Variants in SIM2 observed in about 807,000 individuals in gnomAD.
The protein encoded by SIM2 is single-minded homolog 2.
In SIM2, 28 loss-of-function variants were observed where a neutral mutation model predicts 64.8. That is an observed-to-expected ratio of 0.43 (90% confidence interval 0.32 to 0.59). SIM2 has a LOEUF of 0.59. SIM2 is among the 20% of genes least tolerant of loss of function. The probability of loss-of-function intolerance (pLI) is 0.07; values close to 1 mark genes in which losing one functional copy is unlikely to be tolerated. For synonymous variants in SIM2, 408 were observed against 391.1 expected, an observed-to-expected ratio of 1.04 and a Z score of -0.51; for missense variants, 847 against 871.4, an observed-to-expected ratio of 0.97 and a Z score of 0.35.
intron 1 of SIM2, among the ~76,000 whole-genome samples, chr21:36,706,795 G>C (rs923564277): frequency 2.0e-4 from 31 of 152,336 alleles, no homozygotes; most frequent in African/African-American, 7.2e-4. Flanking sequence ...ACCTCCACCA[G>C]GTGGGAAAGG....
chr21:36,717,716 A>G (rs1191773754), intron 3 of SIM2, among the ~76,000 whole-genome samples: 4 of 152,026 alleles, frequency 2.6e-5, no homozygotes, highest in Non-Finnish European at 4.4e-5. Flanking sequence ...CAAAGTGTCA[A>G]TATATATTTT....
intron 7 of SIM2, among the ~76,000 whole-genome samples, chr21:36,739,997 A>AAGAAAGAG (rs1491026332): frequency 2.9e-4 from 39 of 135,940 alleles, no homozygotes; most frequent in Middle Eastern, 7.5e-3. Flanking sequence ...GAAGAGAAGA[A>AAGAAAGAG]AGAAAGAAAG....
chr21:36,744,348 AAGGG>A lies in SIM2; in HGVS notation c.1168-366_1168-363del, dbSNP rs576336874. On this transcript the variant is annotated intron_variant, in intron 9 of 10. Transcript: ENST00000290399. ...AAAAAAGAAAGAAGGAAAAGAAAGG[AAGGG>A]AGGGAGGGAGGGAAGGAAAGACGGA... Among the ~76,000 whole-genome samples the A allele has an allele frequency of 2.1e-3, 294 of 142,312 alleles. 2 individuals are homozygous for A. Among genetic ancestry groups the A allele is most frequent in the African/African-American group, 7.0e-3 (276 of 39,600 alleles). The allele number at this position is 142,312 out of a possible 152,430, so 93.4% of individuals were successfully genotyped here. A position where few individuals can be genotyped will look rare whatever the true frequency, so the allele number is the denominator to read the frequency against.
intron 6 of SIM2, among the ~76,000 whole-genome samples, chr21:36,730,822 G>A (rs762383415): frequency 2.6e-5 from 4 of 152,106 alleles, no homozygotes; most frequent in African/African-American, 7.2e-5. Flanking sequence ...TCTCTTAGCC[G>A]GTGGTTTCAG....
intron 10 of SIM2, chr21:36,746,262 C>T (rs1043187793): frequency 5.9e-6 from 1 of 169,766 alleles, no homozygotes; most frequent in African/African-American, 2.4e-5. Flanking sequence ...TTGCAGTGAG[C>T]TAAGATCACA....
intron 3 of SIM2, 111 bp downstream of exon 3, chr21:36,712,733 TA>T: frequency 1.4e-6 from 1 of 705,570 alleles, no homozygotes; most frequent in Non-Finnish European, 2.4e-6. Context: ...TGCTTTTGTG[TA>T]AGAACATAAC....
In SIM2 at chr21:36,747,667, C is replaced by G; in HGVS notation, c.1579C>G (p.Pro527Ala). The change falls in exon 11 of 11, where the codon CCC becomes GCC. Residue 527 changes from proline to alanine, a missense_variant and splice_region_variant. This residue lies in a region of SIM2 where 447 missense variants were observed against 414.6 expected (regional missense o/e 1.08). Transcript: ENST00000290399. This position sits in a 1 kb window ranked among gnomAD's most constrained non-coding sequence, Gnocchi z 4.5. ...RHSLVPSYEA[P>A]AAAVRRFGED... ...TAACGTGTCGCCTGTCCCCGCAGCGCCCGCCGCCGCCGTGCGCAGGTTCGG... is the reference window on the plus strand; with the variant it reads ...TAACGTGTCGCCTGTCCCCGCAGCGGCCGCCGCCGCCGTGCGCAGGTTCGG... The G allele has an allele frequency of 8.0e-7, 1 of 1,254,820 alleles. No homozygotes were observed. The highest frequency in any genetic ancestry group is 1.0e-6 in the Non-Finnish European group (1 of 1,000,294). The allele number at this position is 1,254,820 out of a possible 1,614,324, so 77.7% of individuals were successfully genotyped here. A position where few individuals can be genotyped will look rare whatever the true frequency, so the allele number is the denominator to read the frequency against.
At chr21:36,701,520 G>T (rs1410005023) in intron 1 of SIM2, 1 of 152,254 alleles carries the variant, frequency 6.6e-6, no homozygotes, top group African/African-American at 2.4e-5. Context: ...GGCTGGAAGC[G>T]GACCCTAGGC....
Position 36,699,986 on chromosome 21 carries a change from C to T in SIM2, c.175+65C>T, listed in dbSNP as rs979731192. On this transcript the variant is annotated intron_variant, in intron 1 of 10. Coordinates refer to ENST00000290399, the MANE Select transcript of SIM2 (RefSeq NM_005069.6). The surrounding 1 kb of genome is among the most constrained non-coding windows in gnomAD (Gnocchi z 5.6). ...CGGCGGCCCCGGCCCAGGCGGGAAG[C>T]GCAAGCCAGCCCGCCCAGAGGGGTT... The T allele has an allele frequency of 1.3e-6, 2 of 1,486,056 alleles. No individual in the cohort carries two copies. Among genetic ancestry groups the T allele is most frequent in the Non-Finnish European group, 1.8e-6 (2 of 1,112,972 alleles). The allele number at this position is 1,486,056 out of a possible 1,614,324, so 92.1% of individuals were successfully genotyped here. A position where few individuals can be genotyped will look rare whatever the true frequency, so the allele number is the denominator to read the frequency against.
rs1165523870 is a variant in SIM2 at position 36,749,568 on chromosome 21, G to A, written c.*1476G>A. Reference sequence around the variant, plus strand: ...CACAATTTGCAAATTTAGGACCGTGGGTCATGCAGCGAAGGGGCTGGATGG... The same window carrying A: ...CACAATTTGCAAATTTAGGACCGTGAGTCATGCAGCGAAGGGGCTGGATGG... On this transcript the variant is annotated 3_prime_UTR_variant, in exon 11 of 11. Coordinates refer to ENST00000290399, the MANE Select transcript of SIM2 (RefSeq NM_005069.6). The A allele has an allele frequency of 6.6e-6, 1 of 151,996 alleles. No homozygotes were observed. Among genetic ancestry groups the A allele is most frequent in the African/African-American group, 2.4e-5 (1 of 41,340 alleles). 9.4% of individuals were successfully genotyped at this position (151,996 alleles called of 1,614,324 possible).
intron 4 of SIM2, among the ~76,000 whole-genome samples, chr21:36,722,558 C>T (rs1163330258): frequency 3.3e-5 from 5 of 152,114 alleles, no homozygotes; most frequent in African/African-American, 7.2e-5. Flanking sequence ...CAGAGATTTG[C>T]GTGGGAGGCC....
rs1255451800 is a variant in SIM2, at chr21:36,748,499, G to C, written c.*407G>C. 6.6e-6 allele frequency: 1 copy of C among 152,432 alleles called. No individual in the cohort carries two copies. The highest frequency in any genetic ancestry group is 1.5e-5 in the Non-Finnish European group (1 of 68,150). 9.4% of individuals were successfully genotyped at this position (152,432 alleles called of 1,614,324 possible). A position where few individuals can be genotyped will look rare whatever the true frequency, so the allele number is the denominator to read the frequency against. On this transcript the variant is annotated 3_prime_UTR_variant, in exon 11 of 11. Transcript: ENST00000290399. ...ACCCTACCACAGTCCGCTCTTCCAA[G>C]TGGACGGCAGACCTGGGAGGGGACG...
Position 36,699,835 on chromosome 21 carries a change from C to G in SIM2, c.89C>G (p.Pro30Arg). 6.2e-7 allele frequency: 1 copy of G among 1,611,072 alleles called. No homozygotes were observed. Among genetic ancestry groups the G allele is most frequent in the Non-Finnish European group, 8.5e-7 (1 of 1,178,748 alleles). The part of the protein sequence containing the change: ...FYELAKLLPL[P>R]SAITSQLDKA... ...GAGCTTGCCAAGCTGCTCCCGCTGC[C>G]GTCGGCCATCACTTCGCAGCTGGAC... The change falls in exon 1 of 11, where the codon CCG (proline) becomes CGG (arginine). Residue 30 changes from proline (P) to arginine (R), a missense_variant. Around this residue, in one of 3 missense-constraint regions of SIM2, gnomAD observed 397 missense variants for 439.2 expected, o/e 0.90. Coordinates refer to ENST00000290399, the MANE Select transcript of SIM2 (RefSeq NM_005069.6). The surrounding 1 kb of genome is among the most constrained non-coding windows in gnomAD (Gnocchi z 5.6).
intron 1 of SIM2, among the ~76,000 whole-genome samples, chr21:36,701,953 C>T (rs2269191): frequency 0.28 from 42,802 of 152,138 alleles, 6,773 homozygotes; most frequent in African/African-American, 0.42. Context: ...ATCCAAAGAT[C>T]AAATGATTTG....
intron 4 of SIM2, 90 bp downstream of exon 4, chr21:36,720,019 A>G (rs2088803519): frequency 1.1e-6 from 1 of 932,976 alleles, no homozygotes; most frequent in African/African-American, 1.6e-5. Context: ...CACATCTGCC[A>G]AGTGGCTGGG....
At chr21:36,739,918 A>G (rs1470224664) in intron 7 of SIM2, among the ~76,000 whole-genome samples, 1 of 150,756 alleles carries the variant, frequency 6.6e-6, no homozygotes, top group Non-Finnish European at 1.5e-5. Context: ...GGTTTCAGTG[A>G]GATCATGCCA....
At chr21:36,734,390 G>A (rs536414179) in intron 7 of SIM2, among the ~76,000 whole-genome samples, 44 of 152,310 alleles carry the variant, frequency 2.9e-4, no homozygotes, top group African/African-American at 9.6e-4. Flanking sequence ...ACGGGGCATG[G>A]CTTTCTTTTC....
At chr21:36,743,843 C>T (rs951311007) in intron 9 of SIM2, among the ~76,000 whole-genome samples, 1 of 152,186 alleles carries the variant, frequency 6.6e-6, no homozygotes, top group African/African-American at 2.4e-5. Flanking sequence ...TTGGAATCCA[C>T]GGGTTAGATT....
rs190472876 is a variant in SIM2, at chr21:36,726,674, A to G, written c.743+356A>G. Among the ~76,000 whole-genome samples, 248 of 152,340 alleles carry G rather than the reference A, an allele frequency of 1.6e-3. No homozygotes were observed. Among genetic ancestry groups the G allele is most frequent in the African/African-American group, 5.7e-3 (237 of 41,582 alleles). On this transcript the variant is annotated intron_variant, in intron 6 of 10. Coordinates refer to ENST00000290399, the MANE Select transcript of SIM2 (RefSeq NM_005069.6). The surrounding 1 kb of genome is among the most constrained non-coding windows in gnomAD (Gnocchi z 4.5). ...GGGCTTTTTTGAAGGCCATGATGTC[A>G]GAGCTCTGCCTCCTGCGTCCAAGGA...
Sources: allele counts gnomAD v4.1 joint callset (sites outside exome capture counted in the v4.1 genomes callset), GRCh38; gene constraint gnomAD v4.1.1; regional missense constraint gnomAD v4.1.1; non-coding constraint Gnocchi (gnomAD v3.1); transcripts MANE v1.5; gene names NCBI Gene and HGNC (gene_info 2026-07-23, HGNC 2026-07-21).